Variants in SMIM21 observed in about 807,000 individuals in gnomAD.
SMIM21 encodes the protein chromosome 18 open reading frame 62.
Under a neutral mutation model 8.6 loss-of-function variants are expected in SMIM21, and 8 were observed. The observed-to-expected ratio is 0.93, with a 90% CI of 0.55 to 1.68. The LOEUF is 1.68. SMIM21 is among the 40% of genes most tolerant of loss of function. SMIM21 has a pLI of 0.00. For missense variants in SMIM21, 132 were observed against 123.0 expected, an observed-to-expected ratio of 1.07 and a Z score of -0.35; for synonymous variants, 43 against 41.7, an observed-to-expected ratio of 1.03 and a Z score of -0.12.
chr18:75,425,772 A>G (rs954157402), intron 1 of SMIM21, among the ~76,000 whole-genome samples: 1 of 152,236 alleles, frequency 6.6e-6, no homozygotes, highest in Non-Finnish European at 1.5e-5. Flanking sequence ...TTCAGATTAT[A>G]TGTAAGTTCC....
chr18:75,426,307 G>A (rs1266321835), intron 1 of SMIM21, among the ~76,000 whole-genome samples: 1 of 151,650 alleles, frequency 6.6e-6, no homozygotes, highest in African/African-American at 2.4e-5. Context: ...TTGTTTGTTT[G>A]TTTGTTTGTT....
intron 1 of SMIM21, among the ~76,000 whole-genome samples, chr18:75,425,936 A>C (rs973274188): frequency 6.6e-6 from 1 of 152,082 alleles, no homozygotes; most frequent in South Asian, 2.1e-4. Flanking sequence ...TGCACTCCTC[A>C]TGCCTACTGT....
At chr18:75,423,302 G>C (rs544658928) in intron 1 of SMIM21, among the ~76,000 whole-genome samples, 9 of 152,338 alleles carry the variant, frequency 5.9e-5, no homozygotes, top group Admixed American at 2.0e-4. Context: ...TAGTGTCCTA[G>C]AGAAATCAGT....
intron 1 of SMIM21, among the ~76,000 whole-genome samples, chr18:75,424,953 G>A (rs961925426): frequency 2.6e-5 from 4 of 152,180 alleles, no homozygotes; most frequent in African/African-American, 9.7e-5. Flanking sequence ...TCCTCACGCT[G>A]TTGTGGGCAA....
At chr18:75,426,200 A>G (rs1302148870) in intron 1 of SMIM21, among the ~76,000 whole-genome samples, 2 of 152,232 alleles carry the variant, frequency 1.3e-5, no homozygotes, top group Non-Finnish European at 2.9e-5. Flanking sequence ...ACTTACAACT[A>G]TCACATATGA....
At position 75,410,728 on chromosome 18, in the gene SMIM21, C is replaced by A; in HGVS notation, c.*136G>T. On this transcript the variant is annotated 3_prime_UTR_variant, in exon 3 of 3. Transcript: ENST00000579022. ...TGCAAAAAGTTACACGTTCTTCATTCTCTCTGTGGAGCTCCTTTTAAAAAG... is the reference window on the plus strand; with the variant it reads ...TGCAAAAAGTTACACGTTCTTCATTATCTCTGTGGAGCTCCTTTTAAAAAG... 6.8e-7 allele frequency: 1 copy of A among 1,479,840 alleles called. No homozygotes were observed. The highest frequency in any genetic ancestry group is 8.9e-7 in the Non-Finnish European group (1 of 1,120,214). 91.7% of individuals were successfully genotyped at this position (1,479,840 alleles called of 1,614,324 possible). A position where few individuals can be genotyped will look rare whatever the true frequency, so the allele number is the denominator to read the frequency against.
chr18:75,416,689 G>A (rs1235639911), intron 2 of SMIM21: 1 of 152,076 alleles, frequency 6.6e-6, no homozygotes, highest in East Asian at 1.9e-4. Context: ...TTTTCCAAAT[G>A]CATAGTCAGT....
chr18:75,410,875 C>T lies in SMIM21; in HGVS notation c.295G>A (p.Glu99Lys), dbSNP rs750133992. 1.2e-6 allele frequency: 2 copies of T among 1,614,114 alleles called. No individual in the cohort carries two copies. Among genetic ancestry groups the T allele is most frequent in the East Asian group, 2.2e-5 (1 of 44,884 alleles). The change falls in exon 3 of 3, where the codon GAA becomes AAA. Residue 99 changes from glutamate to lysine, a missense_variant. Glu to Lys is a moderately conservative substitution (Grantham distance 56). Transcript: ENST00000579022. ...AAACGTAGTGTCATTTATTCTGCTTCTGCTGTGTTCCTGGATGACTTCAAA... is the reference window on the plus strand; with the variant it reads ...AAACGTAGTGTCATTTATTCTGCTTTTGCTGTGTTCCTGGATGACTTCAAA... ...LRLKSSRNTA[E>K]AE
chr18:75,425,636 A>G (rs2024753507), intron 1 of SMIM21, among the ~76,000 whole-genome samples: 1 of 152,244 alleles, frequency 6.6e-6, no homozygotes, highest in Non-Finnish European at 1.5e-5. Flanking sequence ...TGAATCAGTT[A>G]TCAACTGGCT....
intron 2 of SMIM21, among the ~76,000 whole-genome samples, chr18:75,414,204 G>A (rs2405220): frequency 0.72 from 109,879 of 151,658 alleles, 40,253 homozygotes; most frequent in East Asian, 0.99. Flanking sequence ...ACTATTGATT[G>A]TAGACATAAA....
chr18:75,414,432 C>G (rs1050390444), intron 2 of SMIM21, among the ~76,000 whole-genome samples: 2 of 152,054 alleles, frequency 1.3e-5, no homozygotes, highest in Admixed American at 6.6e-5. Context: ...CCTCGACATG[C>G]CTGCCGGCTT....
intron 1 of SMIM21, 73 bp downstream of exon 1, chr18:75,427,362 G>A: frequency 1.4e-6 from 2 of 1,477,164 alleles, no homozygotes; most frequent in Admixed American, 2.0e-5. Flanking sequence ...GGGCAAAAGA[G>A]TGCTTTGTAG....
At chr18:75,420,857 G>A (rs2024700612) in intron 1 of SMIM21, among the ~76,000 whole-genome samples, 1 of 152,128 alleles carries the variant, frequency 6.6e-6, no homozygotes, top group Admixed American at 6.5e-5. Flanking sequence ...GCCCTGTCTG[G>A]AGATCCACTG....
chr18:75,410,958 T>C (rs367602336), intron 2 of SMIM21, 49 bp from the exon 3 acceptor site: 31 of 1,595,170 alleles, frequency 1.9e-5, no homozygotes, highest in Middle Eastern at 3.3e-4. Context: ...TTGATAGATA[T>C]AATCAAAATA....
At chr18:75,422,352 T>G (rs1434164901) in intron 1 of SMIM21, among the ~76,000 whole-genome samples, 2 of 144,760 alleles carry the variant, frequency 1.4e-5, no homozygotes, top group African/African-American at 5.0e-5. Flanking sequence ...TAACCCCCAG[T>G]TTTTTTTTTT....
chr18:75,427,187 GA>G (rs931504370), intron 1 of SMIM21, among the ~76,000 whole-genome samples: 1 of 152,158 alleles, frequency 6.6e-6, no homozygotes, highest in Admixed American at 6.5e-5. Flanking sequence ...ATGTCAAGGG[GA>G]GGGCCCAGTA....
chr18:75,415,330 T>C (rs1262144884), intron 2 of SMIM21, among the ~76,000 whole-genome samples: 1 of 152,160 alleles, frequency 6.6e-6, no homozygotes, highest in Non-Finnish European at 1.5e-5. Flanking sequence ...CTGTGTTCTC[T>C]GTATGGAGAT....
chr18:75,413,517 T>G (rs75394283), intron 2 of SMIM21, among the ~76,000 whole-genome samples: 1,699 of 152,312 alleles, frequency 0.011, 38 homozygotes, highest in African/African-American at 0.039. Context: ...ATCCAATGTC[T>G]GTACTTAAAC....
rs746967580 is a variant in SMIM21 at position 75,427,439 on chromosome 18, G to T, written c.125C>A (p.Thr42Asn). ...GTTAAAGACCCATAAACTCACTGTG[G>T]TAAGTGCTTTCTTCTGCAGCAAATT... is the stretch of plus-strand genomic sequence containing the variant. ...KGNLLQKKAL[T>N]TFENEHHIRF... The change falls in exon 1 of 3, where the codon ACC (threonine) becomes AAC (asparagine). Residue 42 changes from threonine to asparagine, a missense_variant. Coordinates refer to ENST00000579022, the MANE Select transcript of SMIM21 (RefSeq NM_001037331.3). 1 of 1,613,620 alleles carries T rather than the reference G, an allele frequency of 6.2e-7. No homozygotes were observed. Among genetic ancestry groups the T allele is most frequent in the East Asian group, 2.2e-5 (1 of 44,896 alleles).
Sources: gnomAD v4.1 joint callset for allele counts (sites outside exome capture counted in the v4.1 genomes callset) on GRCh38, gnomAD v4.1.1 for gene constraint, MANE v1.5 for transcripts, NCBI Gene and HGNC (gene_info 2026-07-23, HGNC 2026-07-21) for gene names.